Variants in CD59 observed in about 807,000 individuals in gnomAD.
The protein encoded by CD59 is CD59 molecule (CD59 blood group).
CD59 carries 3 observed loss-of-function variants against 7.0 expected under a neutral mutation model. That is an observed-to-expected ratio of 0.43 (90% confidence interval 0.19 to 1.10). The LOEUF (loss-of-function observed/expected upper bound fraction) is 1.10. Among genes scored for constraint, CD59 ranks in the 50% least tolerant of loss-of-function variants. The probability of loss-of-function intolerance (pLI) is 0.29; values close to 1 mark genes in which losing one functional copy is unlikely to be tolerated. For missense variants in CD59, 143 were observed against 151.0 expected (o/e 0.95, Z 0.28); for synonymous variants, 60 against 62.0 (o/e 0.97, Z 0.15).
Position 33,704,887 on chromosome 11 carries a change from AAC to A in CD59, c.*5237_*5238del, listed in dbSNP as rs1315825436. 6.6e-6 allele frequency: 1 copy of A among 152,584 alleles called. No individual in the cohort carries two copies. Among genetic ancestry groups the A allele is most frequent in the Non-Finnish European group, 1.5e-5 (1 of 68,028 alleles). The allele number at this position is 152,584 out of a possible 1,614,324, so 9.5% of individuals were successfully genotyped here. On this transcript the variant is annotated 3_prime_UTR_variant, in exon 4 of 4. Transcript: ENST00000642928. ...GACCAAGCTATTCTGGGAAGCCCAGAACAGTCTTTCCTTTATTATTCATCTCA... is the reference window on the plus strand; with the variant it reads ...GACCAAGCTATTCTGGGAAGCCCAGAAGTCTTTCCTTTATTATTCATCTCA...
At chr11:33,712,250 A>G (rs558945894) in intron 3 of CD59, among the ~76,000 whole-genome samples, 1 of 152,344 alleles carries the variant, frequency 6.6e-6, no homozygotes, top group East Asian at 1.9e-4. Flanking sequence ...GCACACAGGA[A>G]AATAAAGGCC....
In CD59 at chr11:33,705,416, C is replaced by T. The variant is rs1222931246; in HGVS notation, c.*4710G>A. ...CAGGTAGCAGGAAGGAATCGGTAGC[C>T]TCTTTGGTATGGCCACTATGGTGGT... On this transcript the variant is annotated 3_prime_UTR_variant, in exon 4 of 4. Transcript: ENST00000642928. 6.6e-6 allele frequency: 1 copy of T among 152,264 alleles called. No homozygotes were observed. Among genetic ancestry groups the T allele is most frequent in the Non-Finnish European group, 1.5e-5 (1 of 68,118 alleles). The allele number at this position is 152,264 out of a possible 1,614,324, so 9.4% of individuals were successfully genotyped here.
rs909725854 is a variant in CD59, at chr11:33,706,684, A to C, written c.*3442T>G. Reference sequence around the variant, plus strand: ...CTGAAATGAAATATCTACAAGAAGTAGCAGGCATTGAGAAACAGATGGGAA... The same window carrying C: ...CTGAAATGAAATATCTACAAGAAGTCGCAGGCATTGAGAAACAGATGGGAA... On this transcript the variant is annotated 3_prime_UTR_variant, in exon 4 of 4. Coordinates refer to ENST00000642928, the MANE Select transcript of CD59 (RefSeq NM_000611.6). The C allele has an allele frequency of 5.3e-5, 8 of 152,226 alleles. No individual in the cohort carries two copies. Among genetic ancestry groups the C allele is most frequent in the African/African-American group, 1.7e-4 (7 of 41,442 alleles). 9.4% of individuals were successfully genotyped at this position (152,226 alleles called of 1,614,324 possible). A position where few individuals can be genotyped will look rare whatever the true frequency, so the allele number is the denominator to read the frequency against.
chr11:33,729,645 C>A (rs1854356640), intron 1 of CD59, among the ~76,000 whole-genome samples: 1 of 151,794 alleles, frequency 6.6e-6, no homozygotes, highest in African/African-American at 2.4e-5. Flanking sequence ...TGCACATGTA[C>A]CCCAGAACGT....
At chr11:33,717,668 A>G in intron 2 of CD59, 197 bp from the exon 3 acceptor site, 1 of 582,124 alleles carries the variant, frequency 1.7e-6, no homozygotes, top group Non-Finnish European at 3.1e-6. Context: ...ATGCAAGCAC[A>G]AAGGAAATAT....
rs1008396080 is a variant in CD59, at chr11:33,711,472, C to T, written c.170-1129G>A. 20 of 693,784 alleles carry T rather than the reference C, an allele frequency of 2.9e-5. 1 individual carries two copies. Among genetic ancestry groups the T allele is most frequent in the East Asian group, 1.9e-4 (7 of 37,006 alleles). The allele number at this position is 693,784 out of a possible 1,614,324, so 43.0% of individuals were successfully genotyped here. A position where few individuals can be genotyped will look rare whatever the true frequency, so the allele number is the denominator to read the frequency against. On this transcript the variant is annotated intron_variant, in intron 3 of 3. Coordinates refer to ENST00000642928, the MANE Select transcript of CD59 (RefSeq NM_000611.6). The stretch of plus-strand genomic sequence containing the variant: ...GAGGCTGAAGTGAGAGGATTGCCTG[C>T]GGCCAGCCTGGGCAACATAGTGATA...
chr11:33,708,715 G>C lies in CD59; in HGVS notation c.*1411C>G, dbSNP rs7357. 1.3e-5 allele frequency: 2 copies of C among 152,030 alleles called. No homozygotes were observed. 9.4% of individuals were successfully genotyped at this position (152,030 alleles called of 1,614,324 possible). A position where few individuals can be genotyped will look rare whatever the true frequency, so the allele number is the denominator to read the frequency against. On this transcript the variant is annotated 3_prime_UTR_variant, in exon 4 of 4. Coordinates refer to ENST00000642928, the MANE Select transcript of CD59 (RefSeq NM_000611.6). ...GCAAGTTTCTATTTTCCTATGTTCA[G>C]GGAACGGCATCAACAGAAGAAAGCT...
intron 2 of CD59, among the ~76,000 whole-genome samples, chr11:33,722,012 C>T (rs545641020): frequency 6.8e-4 from 104 of 152,222 alleles, no homozygotes; most frequent in African/African-American, 2.3e-3. Flanking sequence ...AGCAGAAGGA[C>T]TGAGCTCAGA....
At chr11:33,720,601 C>T (rs1035174149) in intron 2 of CD59, among the ~76,000 whole-genome samples, 1 of 152,122 alleles carries the variant, frequency 6.6e-6, no homozygotes, top group African/African-American at 2.4e-5. Flanking sequence ...TAGTGGCATG[C>T]TCCTGTAATC....
intron 3 of CD59, among the ~76,000 whole-genome samples, chr11:33,713,873 A>C (rs916383890): frequency 1.1e-4 from 17 of 152,212 alleles, no homozygotes; most frequent in Non-Finnish European, 7.3e-5. Context: ...CTTATATCAG[A>C]ATCCCTGGAG....
In CD59 at chr11:33,705,702, C is replaced by T. The variant is rs1387098837; in HGVS notation, c.*4424G>A. Reference sequence around the variant, plus strand: ...TTGCAGACGGCCTATTGTGCGACTTCGCCTTCTAACTGTGGGAGCCAGTTC... The same window carrying T: ...TTGCAGACGGCCTATTGTGCGACTTTGCCTTCTAACTGTGGGAGCCAGTTC... On this transcript the variant is annotated 3_prime_UTR_variant, in exon 4 of 4. Transcript: ENST00000642928. 1.3e-5 allele frequency: 2 copies of T among 152,214 alleles called. No homozygotes were observed. Among genetic ancestry groups the T allele is most frequent in the African/African-American group, 2.4e-5 (1 of 41,438 alleles). The allele number at this position is 152,214 out of a possible 1,614,324, so 9.4% of individuals were successfully genotyped here.
rs1274976640 is a variant in CD59 at position 33,706,946 on chromosome 11, C to T, written c.*3180G>A. 1 of 152,192 alleles carries T rather than the reference C, an allele frequency of 6.6e-6. No homozygotes were observed. The highest frequency in any genetic ancestry group is 2.4e-5 in the African/African-American group (1 of 41,434). 9.4% of individuals were successfully genotyped at this position (152,192 alleles called of 1,614,324 possible). A position where few individuals can be genotyped will look rare whatever the true frequency, so the allele number is the denominator to read the frequency against. On this transcript the variant is annotated 3_prime_UTR_variant, in exon 4 of 4. Transcript: ENST00000642928. The stretch of plus-strand genomic sequence containing the variant: ...TAGGCAGAGAAGTAGACTTGCTGAC[C>T]TGAGGAGCTGAGTGGGAAGCATGGA...
At chr11:33,715,742 T>C (rs535650122) in intron 3 of CD59, among the ~76,000 whole-genome samples, 64 of 152,278 alleles carry the variant, frequency 4.2e-4, no homozygotes, top group African/African-American at 1.5e-3. Context: ...ATAAGAAATT[T>C]TGGGATTTAA....
chr11:33,712,930 G>T (rs1186340806), intron 3 of CD59, among the ~76,000 whole-genome samples: 1 of 152,174 alleles, frequency 6.6e-6, no homozygotes, highest in East Asian at 1.9e-4. Context: ...CATCATGGAA[G>T]AATACACTTC....
chr11:33,732,412 G>A (rs1014839156), intron 1 of CD59, among the ~76,000 whole-genome samples: 1 of 113,816 alleles, frequency 8.8e-6, no homozygotes, highest in Non-Finnish European at 1.8e-5. Context: ...CTCCCGCCAA[G>A]TAAGGCATTC....
chr11:33,709,580 T>C lies in CD59; in HGVS notation c.*546A>G, dbSNP rs1296055474. Reference sequence around the variant, plus strand: ...TTTCATGCCCTGCTATCTGGAACACTTCCCCACTTCCCTGCCAGAAGTCCT... The same window carrying C: ...TTTCATGCCCTGCTATCTGGAACACCTCCCCACTTCCCTGCCAGAAGTCCT... On this transcript the variant is annotated 3_prime_UTR_variant, in exon 4 of 4. Transcript: ENST00000642928. 5.7e-6 allele frequency: 1 copy of C among 175,546 alleles called. No homozygotes were observed. Among genetic ancestry groups the C allele is most frequent in the Non-Finnish European group, 1.2e-5 (1 of 80,836 alleles). The allele number at this position is 175,546 out of a possible 1,614,324, so 10.9% of individuals were successfully genotyped here.
rs1353089413 is a variant in CD59 at position 33,706,894 on chromosome 11, G to C, written c.*3232C>G. ...ACCCATTCTAGACTTTCCAAAGCTAGGCACATATTAAAGAGAGTATACAAA... is the reference window on the plus strand; with the variant it reads ...ACCCATTCTAGACTTTCCAAAGCTACGCACATATTAAAGAGAGTATACAAA... On this transcript the variant is annotated 3_prime_UTR_variant, in exon 4 of 4. Coordinates refer to ENST00000642928, the MANE Select transcript of CD59 (RefSeq NM_000611.6). 2.0e-5 allele frequency: 3 copies of C among 152,204 alleles called. No homozygotes were observed. The highest frequency in any genetic ancestry group is 1.5e-5 in the Non-Finnish European group (1 of 68,038). The allele number at this position is 152,204 out of a possible 1,614,324, so 9.4% of individuals were successfully genotyped here.
chr11:33,736,021 C>G lies in CD59; in HGVS notation c.-19+361G>C, dbSNP rs747920792. 1.8e-4 allele frequency among the ~76,000 whole-genome samples: 28 copies of G among 152,184 alleles called. No homozygotes were observed. Among genetic ancestry groups the G allele is most frequent in the Non-Finnish European group, 2.9e-4 (20 of 68,024 alleles). ...GTGACCACGGAGGGCTGGCCTTTCC[C>G]CCGGCGCAGTTTCTCTGGACCGCTA... On this transcript the variant is annotated intron_variant, in intron 1 of 3. Transcript: ENST00000642928. This position sits in a 1 kb window ranked among gnomAD's most constrained non-coding sequence, Gnocchi z 4.4.
At chr11:33,734,020 T>G (rs1354830834) in intron 1 of CD59, among the ~76,000 whole-genome samples, 2 of 152,272 alleles carry the variant, frequency 1.3e-5, no homozygotes, top group African/African-American at 4.8e-5. Flanking sequence ...AAAACCACCC[T>G]GGATGGATCT....
Sources: gnomAD v4.1 joint callset for allele counts (sites outside exome capture counted in the v4.1 genomes callset) on GRCh38, gnomAD v4.1.1 for gene constraint, Gnocchi (gnomAD v3.1) non-coding constraint, MANE v1.5 for transcripts, NCBI Gene and HGNC (gene_info 2026-07-23, HGNC 2026-07-21) for gene names.